The following WDR11 variants were observed in gnomAD, a reference collection of about 807,000 sequenced individuals.
WDR11 encodes WD repeat-containing protein 11.
WDR11 carries 83 observed loss-of-function variants against 151.2 expected under a neutral mutation model. The observed-to-expected ratio is 0.55, with a 90% CI of 0.46 to 0.66. The LOEUF is 0.66. Ranked by LOEUF, WDR11 falls within the 30% of genes least tolerant of loss-of-function variation. WDR11 has a pLI of 0.00. For missense variants in WDR11, 1,301 were observed against 1,480.9 expected (o/e 0.88, Z 1.99); for synonymous variants, 484 against 533.1 (o/e 0.91, Z 1.27).
At chr10:120,890,227 T>C (rs1847381988) in intron 18 of WDR11, among the ~76,000 whole-genome samples, 1 of 152,122 alleles carries the variant, frequency 6.6e-6, no homozygotes, top group Non-Finnish European at 1.5e-5. Context: ...TATTTTTTAT[T>C]TTGATATGGA....
intron 19 of WDR11, among the ~76,000 whole-genome samples, chr10:120,894,238 A>G (rs144258465): frequency 1.3e-5 from 2 of 152,290 alleles, no homozygotes; most frequent in African/African-American, 4.8e-5. Context: ...ACATATGGCT[A>G]GCCAGTTTTC....
In WDR11 at chr10:120,871,134, G is replaced by A. The variant is rs945453227; in HGVS notation, c.1295-36G>A. 14 of 1,606,066 alleles carry A rather than the reference G, an allele frequency of 8.7e-6. No homozygotes were observed. In the East Asian group the frequency reaches 1.1e-4, roughly 13 times the overall value. ...TAGCTTTTTAAGATCAGCATACACT[G>A]TAGTTAATATATTTGTTATTTTTAT... On this transcript the variant is annotated intron_variant, in intron 9 of 28. Coordinates refer to ENST00000263461, the MANE Select transcript of WDR11 (RefSeq NM_018117.12).
chr10:120,897,416 T>A (rs1425573085), intron 19 of WDR11, among the ~76,000 whole-genome samples: 1 of 148,232 alleles, frequency 6.7e-6, no homozygotes, highest in Non-Finnish European at 1.5e-5. Context: ...CCTCCACATA[T>A]TACTTACTAA....
intron 11 of WDR11, among the ~76,000 whole-genome samples, chr10:120,874,232 T>G (rs1193324825): frequency 1.4e-5 from 2 of 139,506 alleles, no homozygotes; most frequent in East Asian, 2.2e-4. Flanking sequence ...GTTTTGTTTT[T>G]TTTAAATGGC....
At chr10:120,904,165 A>G (rs1421116900) in intron 24 of WDR11, 23 bp downstream of exon 24, 2 of 1,522,422 alleles carry the variant, frequency 1.3e-6, no homozygotes, top group South Asian at 1.1e-5. Flanking sequence ...TTATAACTCT[A>G]CATGCTTCAT....
intron 26 of WDR11, chr10:120,905,646 T>C (rs2133817767): frequency 1.2e-6 from 1 of 836,394 alleles, no homozygotes; most frequent in Non-Finnish European, 1.9e-6. Context: ...GCCTCCTCTT[T>C]CTCCCAGAGT....
chr10:120,887,372 A>G (rs1317235215), intron 16 of WDR11, among the ~76,000 whole-genome samples: 3 of 152,236 alleles, frequency 2.0e-5, no homozygotes. Context: ...TTGTGTCAGC[A>G]TGCATCTCAT....
Position 120,901,069 on chromosome 10 carries a change from C to T in WDR11, c.2658C>T (p.Leu886=). The part of the protein sequence containing the change: ...DYPENEEIKN[L]LQEQLNSLSN... ...CAGAAAATGAAGAAATAAAGAATCT[C>T]CTCCAAGAACAGTTGAATTCATTGT... Residue 886 remains leucine, a synonymous_variant, in exon 21 of 29, where the codon CTC becomes CTT. Coordinates refer to ENST00000263461, the MANE Select transcript of WDR11 (RefSeq NM_018117.12). The T allele has an allele frequency of 6.2e-7, 1 of 1,612,912 alleles. No individual in the cohort carries two copies. Among genetic ancestry groups the T allele is most frequent in the Non-Finnish European group, 8.5e-7 (1 of 1,179,122 alleles).
chr10:120,892,935 G>A (rs1401340529), intron 19 of WDR11, among the ~76,000 whole-genome samples: 1 of 151,782 alleles, frequency 6.6e-6, no homozygotes, highest in Non-Finnish European at 1.5e-5. Context: ...GTATCATGCA[G>A]TTTCCACACC....
chr10:120,878,211 T>G lies in WDR11; in HGVS notation c.1557-142T>G. The G allele has an allele frequency of 6.2e-6, 4 of 644,374 alleles. 1 individual carries two copies. In the South Asian group the frequency reaches 7.8e-5, roughly 13 times the overall value. 39.9% of individuals were successfully genotyped at this position (644,374 alleles called of 1,614,324 possible). A position where few individuals can be genotyped will look rare whatever the true frequency, so the allele number is the denominator to read the frequency against. ...TAATACAGTCTCAAATAAAAGGTCA[T>G]GTTAAGATAAAAGGTCATGCTTACT... is the stretch of plus-strand genomic sequence containing the variant. On this transcript the variant is annotated intron_variant, in intron 11 of 28. Coordinates refer to ENST00000263461, the MANE Select transcript of WDR11 (RefSeq NM_018117.12).
rs574805311 is a variant in WDR11, at chr10:120,852,436, A to G, written c.87-88A>G. On this transcript the variant is annotated intron_variant, in intron 1 of 28. Coordinates refer to ENST00000263461, the MANE Select transcript of WDR11 (RefSeq NM_018117.12). ...ATTTTATTAATGGTGGTACATATGA[A>G]TTAGACTTATCATTTATTTAGGCTT... 1,384 of 1,074,232 alleles carry G rather than the reference A, an allele frequency of 1.3e-3. 3 individuals carry two copies. Among genetic ancestry groups the G allele is most frequent in the Middle Eastern group, 5.3e-3 (27 of 5,074 alleles). The allele number at this position is 1,074,232 out of a possible 1,614,324, so 66.5% of individuals were successfully genotyped here. A position where few individuals can be genotyped will look rare whatever the true frequency, so the allele number is the denominator to read the frequency against.
intron 19 of WDR11, 143 bp downstream of exon 19, chr10:120,891,030 G>T: frequency 1.1e-6 from 1 of 885,972 alleles, no homozygotes; most frequent in Admixed American, 2.5e-5. Flanking sequence ...ATATTAACTT[G>T]AAGCTTGAGT....
chr10:120,903,899 A>T (rs755217317), intron 23 of WDR11, 148 bp from the exon 24 acceptor site: 1 of 601,954 alleles, frequency 1.7e-6, no homozygotes, highest in African/African-American at 1.9e-5. Flanking sequence ...AATTCTTATT[A>T]AATGTTTGGG....
rs549778236 is a variant in WDR11, at chr10:120,886,898, G to A, written c.2121+62G>A. On this transcript the variant is annotated intron_variant, in intron 16 of 28. Coordinates refer to ENST00000263461, the MANE Select transcript of WDR11 (RefSeq NM_018117.12). ...TTTTGTTTTGTTGGTTCCATATCCA[G>A]TGAAGGCATAGTTAAGTTGGAAACT... 3.4e-5 allele frequency: 54 copies of A among 1,578,902 alleles called. No homozygotes were observed. The South Asian group carries it at 6.0e-4, about 18-fold the overall frequency.
At chr10:120,886,226 A>T (rs1847211767) in intron 15 of WDR11, among the ~76,000 whole-genome samples, 1 of 152,142 alleles carries the variant, frequency 6.6e-6, no homozygotes, top group Non-Finnish European at 1.5e-5. Context: ...CATACACTTC[A>T]GCTTCTGAAA....
intron 16 of WDR11, among the ~76,000 whole-genome samples, chr10:120,888,092 C>T (rs1847287837): frequency 6.6e-6 from 1 of 151,950 alleles, no homozygotes. Context: ...TACTTTTTAC[C>T]ATGGATACCA....
chr10:120,906,039 A>G lies in WDR11; in HGVS notation c.3437+18A>G, dbSNP rs1338966237. The G allele has an allele frequency of 5.6e-6, 9 of 1,612,946 alleles. No homozygotes were observed. The highest frequency in any genetic ancestry group is 7.6e-6 in the Non-Finnish European group (9 of 1,180,010). On this transcript the variant is annotated intron_variant, in intron 27 of 28. Coordinates refer to ENST00000263461, the MANE Select transcript of WDR11 (RefSeq NM_018117.12). ...CTTCACAGGTAAACCGAGAGTTCAC[A>G]TGGGCTGCTCAGGCCTGCCCGTGAG...
intron 19 of WDR11, among the ~76,000 whole-genome samples, chr10:120,896,724 C>A (rs959639198): frequency 3.3e-5 from 5 of 152,110 alleles, no homozygotes; most frequent in Non-Finnish European, 5.9e-5. Context: ...AACCAAATTG[C>A]AGTTTTGGGG....
Position 120,906,028 on chromosome 10 carries a change from C to T in WDR11, c.3437+7C>T, listed in dbSNP as rs769912032. The T allele has an allele frequency of 9.9e-6, 16 of 1,613,128 alleles. No individual in the cohort carries two copies. Among genetic ancestry groups the T allele is most frequent in the Admixed American group, 8.3e-5 (5 of 59,988 alleles). On this transcript the variant is annotated splice_region_variant and intron_variant, in intron 27 of 28. Coordinates refer to ENST00000263461, the MANE Select transcript of WDR11 (RefSeq NM_018117.12). ...TGGCAGAGACGCTTCACAGGTAAACCGAGAGTTCACATGGGCTGCTCAGGC... is the reference window on the plus strand; with the variant it reads ...TGGCAGAGACGCTTCACAGGTAAACTGAGAGTTCACATGGGCTGCTCAGGC...
Sources: gnomAD v4.1 joint callset for allele counts (sites outside exome capture counted in the v4.1 genomes callset) on GRCh38, gnomAD v4.1.1 for gene constraint, MANE v1.5 for transcripts, NCBI Gene and HGNC (gene_info 2026-07-23, HGNC 2026-07-21) for gene names.